Variants in AKT2 observed in about 807,000 individuals in gnomAD.
AKT2 encodes the protein AKT serine/threonine kinase 2, also known as RAC-beta serine/threonine-protein kinase.
Under a neutral mutation model 58.6 loss-of-function variants are expected in AKT2, and 16 were observed. The observed-to-expected ratio is 0.27, with a 90% CI of 0.18 to 0.41. AKT2 has a LOEUF of 0.41. AKT2 is among the 10% of genes least tolerant of loss of function. The probability of loss-of-function intolerance (pLI) is 1.00; values close to 1 mark genes in which losing one functional copy is unlikely to be tolerated. For synonymous variants in AKT2, 253 were observed against 254.0 expected (o/e 1.00, Z 0.04); for missense variants, 438 against 661.0 (o/e 0.66, Z 3.70).
At chr19:40,252,891 T>C (rs1010409006) in intron 4 of AKT2, among the ~76,000 whole-genome samples, 1 of 152,200 alleles carries the variant, frequency 6.6e-6, no homozygotes, top group African/African-American at 2.4e-5. Flanking sequence ...CATGTTTTGG[T>C]CCATAGTTTT....
Position 40,235,653 on chromosome 19 carries a change from C to T in AKT2, c.1175+237G>A, listed in dbSNP as rs569745698. 7.2e-5 allele frequency among the ~76,000 whole-genome samples: 11 copies of T among 152,306 alleles called. No individual in the cohort carries two copies. Among genetic ancestry groups the T allele is most frequent in the Non-Finnish European group, 1.5e-4 (10 of 68,004 alleles). ...CCACATATGGTTTGGTGGCCCCAGC[C>T]AGGCCCAGGGGATGCCCTGTTCCTC... On this transcript the variant is annotated intron_variant, in intron 11 of 13. Coordinates refer to ENST00000392038, the MANE Select transcript of AKT2 (RefSeq NM_001626.6). The surrounding 1 kb of genome is among the most constrained non-coding windows in gnomAD (Gnocchi z 6.3).
chr19:40,239,849 C>A, intron 7 of AKT2, 196 bp downstream of exon 7: 1 of 715,392 alleles, frequency 1.4e-6, no homozygotes, highest in South Asian at 1.5e-5. Flanking sequence ...AAGAAGCTGT[C>A]ACCCTCCCAC....
rs1973675708 is a variant in AKT2 at position 40,231,048 on chromosome 19, T to C, written c.*2824A>G. On this transcript the variant is annotated 3_prime_UTR_variant, in exon 14 of 14. Coordinates refer to ENST00000392038, the MANE Select transcript of AKT2 (RefSeq NM_001626.6). The stretch of plus-strand genomic sequence containing the variant: ...ACTGTTCTTTATATACAAAAAAGAA[T>C]GTGTGAAATTTTTAAAATGTACATT... 2 of 216,156 alleles carry C rather than the reference T, an allele frequency of 9.3e-6. No homozygotes were observed. The allele number at this position is 216,156 out of a possible 1,614,324, so 13.4% of individuals were successfully genotyped here.
At chr19:40,259,623 T>C (rs1268420086) in intron 2 of AKT2, among the ~76,000 whole-genome samples, 1 of 152,176 alleles carries the variant, frequency 6.6e-6, no homozygotes, top group East Asian at 1.9e-4. Context: ...GAAAGGACAC[T>C]GTCAAGAAAG....
rs780771318 is a variant in AKT2, at chr19:40,234,947, G to A, written c.1366+98C>T. ...GGGAAATCTCCCAGACATGAAGCGGGGGCCTTCGAGGGCCCTCCTTGAGAA... is the reference window on the plus strand; with the variant it reads ...GGGAAATCTCCCAGACATGAAGCGGAGGCCTTCGAGGGCCCTCCTTGAGAA... On this transcript the variant is annotated intron_variant, in intron 13 of 13. Coordinates refer to ENST00000392038, the MANE Select transcript of AKT2 (RefSeq NM_001626.6). The surrounding 1 kb of genome is among the most constrained non-coding windows in gnomAD (Gnocchi z 4.7). The A allele has an allele frequency of 2.8e-6, 3 of 1,086,104 alleles. No individual in the cohort carries two copies. Among genetic ancestry groups the A allele is most frequent in the Non-Finnish European group, 2.8e-6 (2 of 713,346 alleles). 67.3% of individuals were successfully genotyped at this position (1,086,104 alleles called of 1,614,324 possible).
rs529742537 is a variant in AKT2 at position 40,235,932 on chromosome 19, T to A, written c.1133A>T (p.Lys378Met). ...CTTAAGCAGCCCAGCAAGCAGGGAC[T>A]TGGCCTCGGGGCTGAGCGTGCGCGG... ...RFPRTLSPEA[K>M]SLLAGLLKKD... Residue 378 changes from lysine (K) to methionine (M), a missense_variant, in exon 11 of 14, where the codon AAG becomes ATG. By Grantham distance (95) the Lys-to-Met change is moderately conservative. Transcript: ENST00000392038. This position sits in a 1 kb window ranked among gnomAD's most constrained non-coding sequence, Gnocchi z 6.3. The A allele has an allele frequency of 2.5e-6, 4 of 1,613,664 alleles. No homozygotes were observed. The highest frequency in any genetic ancestry group is 3.4e-6 in the Non-Finnish European group (4 of 1,180,010).
At position 40,266,727 on chromosome 19, in the gene AKT2, T is replaced by A. The variant is rs567268970; in HGVS notation, c.-84-1376A>T. On this transcript the variant is annotated intron_variant, in intron 1 of 13. Coordinates refer to ENST00000392038, the MANE Select transcript of AKT2 (RefSeq NM_001626.6). Reference sequence around the variant, plus strand: ...TGGGAGGTCAAAGCAGGAGAATCCCTTGAGCCTAGGAGTTTGAGACCTGCC... The same window carrying A: ...TGGGAGGTCAAAGCAGGAGAATCCCATGAGCCTAGGAGTTTGAGACCTGCC... 1.2e-4 allele frequency among the ~76,000 whole-genome samples: 19 copies of A among 152,270 alleles called. No individual in the cohort carries two copies. The South Asian group carries it at 3.9e-3, about 32-fold the overall frequency.
At chr19:40,248,707 A>G (rs572349292) in intron 4 of AKT2, among the ~76,000 whole-genome samples, 4 of 152,364 alleles carry the variant, frequency 2.6e-5, no homozygotes, top group Admixed American at 6.5e-5. Flanking sequence ...GCTGGAGCCA[A>G]CAGAGAGGAG....
intron 4 of AKT2, among the ~76,000 whole-genome samples, chr19:40,254,856 T>C (rs1975422868): frequency 6.6e-6 from 1 of 150,826 alleles, no homozygotes; most frequent in African/African-American, 2.4e-5. Context: ...AAAAAGAATG[T>C]AGCTCCCTGA....
In AKT2 at chr19:40,235,078, C is replaced by G. The variant is rs1371711287; in HGVS notation, c.1333G>C (p.Ala445Pro). ...GGGGGTGTGATTGTGATGGACTGGG[C>G]GGTAAATTCATCATCGAAGTACCTT... Reference protein sequence around the residue: ...DTRYFDDEFTAQSITITPPDR... With the variant: ...DTRYFDDEFTPQSITITPPDR... The change falls in exon 13 of 14, where the codon GCC (alanine) becomes CCC (proline). Residue 445 changes from alanine to proline, a missense_variant. Transcript: ENST00000392038. The surrounding 1 kb of genome is among the most constrained non-coding windows in gnomAD (Gnocchi z 6.3). 2 of 1,614,012 alleles carry G rather than the reference C, an allele frequency of 1.2e-6. No homozygotes were observed. Among genetic ancestry groups the G allele is most frequent in the Non-Finnish European group, 8.5e-7 (1 of 1,180,016 alleles).
chr19:40,251,917 T>C (rs1975183789), intron 4 of AKT2, among the ~76,000 whole-genome samples: 1 of 152,186 alleles, frequency 6.6e-6, no homozygotes, highest in Non-Finnish European at 1.5e-5. Context: ...ACACGGTGAA[T>C]GCGGGACTGC....
Position 40,237,776 on chromosome 19 carries a change from G to C in AKT2, c.831+193C>G. ...CAGAGCCACCACCCTGGACCTTGGT[G>C]GGGAGCCTGGTGAATGAGGGCAGCC... On this transcript the variant is annotated intron_variant, in intron 9 of 13. Coordinates refer to ENST00000392038, the MANE Select transcript of AKT2 (RefSeq NM_001626.6). This position sits in a 1 kb window ranked among gnomAD's most constrained non-coding sequence, Gnocchi z 4.5. The C allele has an allele frequency of 1.3e-6, 1 of 761,142 alleles. No homozygotes were observed. The highest frequency in any genetic ancestry group is 2.1e-6 in the Non-Finnish European group (1 of 480,372). 47.1% of individuals were successfully genotyped at this position (761,142 alleles called of 1,614,324 possible).
At chr19:40,260,740 A>G (rs1292210679) in intron 2 of AKT2, among the ~76,000 whole-genome samples, 1 of 152,130 alleles carries the variant, frequency 6.6e-6, no homozygotes, top group Non-Finnish European at 1.5e-5. Flanking sequence ...ATTCATCCAT[A>G]AGAAGGAACG....
intron 4 of AKT2, among the ~76,000 whole-genome samples, chr19:40,245,401 G>A (rs757043313): frequency 3.3e-5 from 5 of 152,290 alleles, no homozygotes; most frequent in South Asian, 2.1e-4. Flanking sequence ...TAAGGAAGGT[G>A]AAGAACAGTA....
rs1004858760 is a variant in AKT2, at chr19:40,276,006, C to T, written c.-85+9175G>A. ...CAGCCTGGGTGACAGAGCAAGACTC[C>T]GTCTCAAAAAAAAAAAAAAAAGTCC... On this transcript the variant is annotated intron_variant, in intron 1 of 13. Transcript: ENST00000392038. Among the ~76,000 whole-genome samples, 43 of 147,602 alleles carry T rather than the reference C, an allele frequency of 2.9e-4. 1 individual carries two copies. The highest frequency in any genetic ancestry group is 1.4e-4 in the Admixed American group (2 of 14,802).
rs541644005 is a variant in AKT2 at position 40,237,306 on chromosome 19, C to G, written c.831+663G>C. On this transcript the variant is annotated intron_variant, in intron 9 of 13. Coordinates refer to ENST00000392038, the MANE Select transcript of AKT2 (RefSeq NM_001626.6). This position sits in a 1 kb window ranked among gnomAD's most constrained non-coding sequence, Gnocchi z 4.5. ...GTCCCCACTTCTCCTGTGCACACAG[C>G]TAGGGCAGATGACTGGTGCTCAGCT... is the stretch of plus-strand genomic sequence containing the variant. 1 of 155,662 alleles carries G rather than the reference C, an allele frequency of 6.4e-6. No individual in the cohort carries two copies. The highest frequency in any genetic ancestry group is 2.4e-5 in the African/African-American group (1 of 41,582). The allele number at this position is 155,662 out of a possible 1,614,324, so 9.6% of individuals were successfully genotyped here. A position where few individuals can be genotyped will look rare whatever the true frequency, so the allele number is the denominator to read the frequency against.
At chr19:40,267,481 T>C (rs764465627) in intron 1 of AKT2, among the ~76,000 whole-genome samples, 1 of 152,192 alleles carries the variant, frequency 6.6e-6, no homozygotes, top group African/African-American at 2.4e-5. Flanking sequence ...TCTCTCTTCC[T>C]TGAGGTCTCA....
intron 1 of AKT2, 182 bp from the exon 2 acceptor site, chr19:40,265,533 C>T (rs1976288727): frequency 1.3e-6 from 1 of 759,698 alleles, no homozygotes; most frequent in East Asian, 2.9e-5. Context: ...GTGGCAATGT[C>T]CCCAGCGACC....
In AKT2 at chr19:40,274,998, C is replaced by T. The variant is rs751456782; in HGVS notation, c.-84-9647G>A. On this transcript the variant is annotated intron_variant, in intron 1 of 13. Coordinates refer to ENST00000392038, the MANE Select transcript of AKT2 (RefSeq NM_001626.6). ...CCAGGAGCTGTCCCCAGAATAAGCC[C>T]TGGGCACTGGCCTGATGGGCTCACC... is the stretch of plus-strand genomic sequence containing the variant. The T allele has an allele frequency of 2.0e-5, 9 of 449,178 alleles. No individual in the cohort carries two copies. In the East Asian group the frequency reaches 6.3e-4, roughly 31 times the overall value. The allele number at this position is 449,178 out of a possible 1,614,324, so 27.8% of individuals were successfully genotyped here.
Sources: gnomAD v4.1 joint callset for allele counts (sites outside exome capture counted in the v4.1 genomes callset) on GRCh38, gnomAD v4.1.1 for gene constraint, Gnocchi (gnomAD v3.1) non-coding constraint, MANE v1.5 for transcripts, NCBI Gene and HGNC (gene_info 2026-07-23, HGNC 2026-07-21) for gene names.